The following SEC11C variants were observed in gnomAD, a reference collection of about 807,000 sequenced individuals.
The protein encoded by SEC11C is signal peptidase complex catalytic subunit SEC11C.
In SEC11C, 10 loss-of-function variants were observed where a neutral mutation model predicts 21.9. The ratio of observed to expected loss-of-function variants is 0.46; its 90% CI spans 0.28 to 0.77. The LOEUF (loss-of-function observed/expected upper bound fraction) is 0.77. Among genes scored for constraint, SEC11C ranks in the 30% least tolerant of loss-of-function variants. The pLI, the probability that SEC11C is intolerant of heterozygous loss-of-function variation, is 0.12. For missense variants in SEC11C, 145 were observed against 244.5 expected (o/e 0.59, Z 2.71); for synonymous variants, 83 against 85.6 (o/e 0.97, Z 0.17).
chr18:59,154,287 C>G (rs2069394606), intron 3 of SEC11C, among the ~76,000 whole-genome samples: 1 of 152,212 alleles, frequency 6.6e-6, no homozygotes, highest in Non-Finnish European at 1.5e-5. Context: ...TTATGAGAGA[C>G]TGTCAGGATT....
rs114401423 is a variant in SEC11C at position 59,144,953 on chromosome 18, C to G, written c.88-4560C>G. Among the ~76,000 whole-genome samples, 342 of 149,000 alleles carry G rather than the reference C, an allele frequency of 2.3e-3. 3 individuals are homozygous for G. The highest frequency in any genetic ancestry group is 8.1e-3 in the African/African-American group (326 of 40,102). On this transcript the variant is annotated intron_variant, in intron 1 of 5. Transcript: ENST00000587834. ...TCACCATTAAAGATGTTTATTTTAT[C>G]ACTATTTATTCAACAAATTGAATAC...
chr18:59,144,275 C>A (rs185725549), intron 1 of SEC11C, among the ~76,000 whole-genome samples: 60 of 152,296 alleles, frequency 3.9e-4, no homozygotes, highest in Admixed American at 1.9e-3. Flanking sequence ...TTAGTTTATA[C>A]TGAATTCCTA....
intron 2 of SEC11C, 66 bp from the exon 3 acceptor site, chr18:59,152,470 C>A: frequency 2.7e-6 from 4 of 1,473,498 alleles, no homozygotes; most frequent in Non-Finnish European, 3.6e-6. Context: ...TCACCTCTGA[C>A]ATGTCTATTC....
chr18:59,151,367 A>G (rs1007848399), intron 2 of SEC11C, among the ~76,000 whole-genome samples: 1 of 151,926 alleles, frequency 6.6e-6, no homozygotes, highest in African/African-American at 2.4e-5. Context: ...ATTTCAGAGA[A>G]GACAAAATAG....
chr18:59,141,034 A>G (rs139668195), intron 1 of SEC11C, among the ~76,000 whole-genome samples: 211 of 152,246 alleles, frequency 1.4e-3, no homozygotes, highest in African/African-American at 4.9e-3. Context: ...TGAAAATGGT[A>G]TTAATCCTCA....
At chr18:59,148,800 G>A (rs1427796586) in intron 1 of SEC11C, among the ~76,000 whole-genome samples, 1 of 152,088 alleles carries the variant, frequency 6.6e-6, no homozygotes, top group Non-Finnish European at 1.5e-5. Context: ...GTATTTTTTA[G>A]TAGAGACGGG....
intron 1 of SEC11C, among the ~76,000 whole-genome samples, chr18:59,145,919 C>T (rs762475612): frequency 2.0e-5 from 3 of 152,180 alleles, no homozygotes; most frequent in African/African-American, 4.8e-5. Flanking sequence ...TAGGCTACAT[C>T]GTATAGCTTA....
At chr18:59,151,205 G>T in intron 2 of SEC11C, among the ~76,000 whole-genome samples, 1 of 152,114 alleles carries the variant, frequency 6.6e-6, no homozygotes, top group East Asian at 1.9e-4. Flanking sequence ...TCTTTTCCTA[G>T]CTGCAGTTCC....
chr18:59,153,817 C>T (rs2069387904), intron 3 of SEC11C, among the ~76,000 whole-genome samples: 1 of 151,938 alleles, frequency 6.6e-6, no homozygotes, highest in Non-Finnish European at 1.5e-5. Flanking sequence ...AGCAATTCTC[C>T]TCCCTCAGCC....
At chr18:59,157,701 G>A (rs184668480) in intron 5 of SEC11C, 36 bp downstream of exon 5, 160 of 1,404,956 alleles carry the variant, frequency 1.1e-4, no homozygotes, top group South Asian at 1.5e-4. Flanking sequence ...TATTTACTTC[G>A]TTAAATATTG....
intron 1 of SEC11C, among the ~76,000 whole-genome samples, chr18:59,143,235 C>T (rs891987683): frequency 6.6e-6 from 1 of 151,654 alleles, no homozygotes; most frequent in Admixed American, 6.6e-5. Flanking sequence ...CACCTGTTAT[C>T]CCAGCTACTC....
chr18:59,149,529 T>A lies in SEC11C; in HGVS notation c.104T>A (p.Leu35Ter), dbSNP rs1280194655. 4 of 1,609,822 alleles carry A rather than the reference T, an allele frequency of 2.5e-6. No individual in the cohort carries two copies. The highest frequency in any genetic ancestry group is 3.4e-6 in the Non-Finnish European group (4 of 1,176,586). The change falls in exon 2 of 6, where the codon TTA becomes TAA. Residue 35 changes from leucine (L) to a stop codon, truncating the protein, a stop_gained. Coordinates refer to ENST00000587834, the MANE Select transcript of SEC11C (RefSeq NM_033280.4). LOFTEE classifies it high-confidence loss of function. ...MNKRQLYYQV[L>*]NFAMIVSSAL... ...TCATTCCAGCTCTATTACCAGGTTT[T>A]AAACTTCGCCATGATCGTGTCTTCT...
intron 1 of SEC11C, among the ~76,000 whole-genome samples, chr18:59,148,864 C>T (rs2069313166): frequency 6.6e-6 from 1 of 152,244 alleles, no homozygotes; most frequent in Non-Finnish European, 1.5e-5. Flanking sequence ...ATCCACCCGC[C>T]TCGGCCTCCC....
At chr18:59,158,503 C>A in intron 5 of SEC11C, 129 bp from the exon 6 acceptor site, 1 of 729,884 alleles carries the variant, frequency 1.4e-6, no homozygotes, top group Non-Finnish European at 2.3e-6. Context: ...GAGAACAAGC[C>A]ATGGGGGGAA....
Position 59,158,825 on chromosome 18 carries a change from C to T in SEC11C, c.*140C>T, listed in dbSNP as rs1382708395. 1.0e-5 allele frequency: 7 copies of T among 701,820 alleles called. No homozygotes were observed. The highest frequency in any genetic ancestry group is 2.7e-5 in the Admixed American group (1 of 36,982). 43.5% of individuals were successfully genotyped at this position (701,820 alleles called of 1,614,324 possible). ...TTGTCTTGTCCAAATAAAAGATTCA[C>T]CAGTAAAGATGGTTTTCTTTTGTGG... On this transcript the variant is annotated 3_prime_UTR_variant, in exon 6 of 6. Coordinates refer to ENST00000587834, the MANE Select transcript of SEC11C (RefSeq NM_033280.4).
At chr18:59,146,464 C>T (rs1380129143) in intron 1 of SEC11C, among the ~76,000 whole-genome samples, 1 of 151,996 alleles carries the variant, frequency 6.6e-6, no homozygotes, top group Non-Finnish European at 1.5e-5. Context: ...GGAGGAGATT[C>T]AGGTAGAGGA....
chr18:59,142,057 G>GA (rs2069217056), intron 1 of SEC11C, among the ~76,000 whole-genome samples: 1 of 150,034 alleles, frequency 6.7e-6, no homozygotes. Context: ...CATGGTGGTG[G>GA]TTTTTTTTTT....
chr18:59,153,058 A>G (rs1193823647), intron 3 of SEC11C: 1 of 156,398 alleles, frequency 6.4e-6, no homozygotes, highest in African/African-American at 2.4e-5. Flanking sequence ...GAAATGCAAA[A>G]AAAGCTAGCT....
intron 3 of SEC11C, 58 bp downstream of exon 3, chr18:59,152,743 C>T (rs2069372651): frequency 2.1e-6 from 3 of 1,437,734 alleles, no homozygotes; most frequent in Non-Finnish European, 2.8e-6. Flanking sequence ...AGATTCATGG[C>T]TAATTAGAAA....
Sources: gnomAD v4.1 joint callset for allele counts (sites outside exome capture counted in the v4.1 genomes callset) on GRCh38, gnomAD v4.1.1 for gene constraint, MANE v1.5 for transcripts, NCBI Gene and HGNC (gene_info 2026-07-23, HGNC 2026-07-21) for gene names.